The following HDAC4 variants were observed in gnomAD, a reference collection of about 807,000 sequenced individuals.
HDAC4 encodes the protein histone deacetylase A.
In HDAC4, 16 loss-of-function variants were observed where a neutral mutation model predicts 135.1. That is an observed-to-expected ratio of 0.12 (90% CI 0.08 to 0.18). The LOEUF is 0.18. HDAC4 is among the 10% of genes least tolerant of loss of function. The probability of loss-of-function intolerance (pLI) is 1.00; values close to 1 mark genes in which losing one functional copy is unlikely to be tolerated. For missense variants in HDAC4, 1,143 were observed against 1,511.8 expected (o/e 0.76, Z 4.05); for synonymous variants, 685 against 653.4 (o/e 1.05, Z -0.74).
At chr2:239,353,133 C>T (rs1314905760) in intron 1 of HDAC4, among the ~76,000 whole-genome samples, 3 of 152,226 alleles carry the variant, frequency 2.0e-5, no homozygotes, top group African/African-American at 7.2e-5. Flanking sequence ...CCTGCCTCAG[C>T]CTCCCGAGTA....
Position 239,149,431 on chromosome 2 carries a change from G to A in HDAC4, c.734-4717C>T, listed in dbSNP as rs908932357. Among the ~76,000 whole-genome samples, 59 of 151,986 alleles carry A rather than the reference G, an allele frequency of 3.9e-4. 1 individual carries two copies. The highest frequency in any genetic ancestry group is 1.3e-4 in the Non-Finnish European group (9 of 67,990). On this transcript the variant is annotated intron_variant, in intron 7 of 26. Transcript: ENST00000543185. Reference sequence around the variant, plus strand: ...AATTCTAAAAGACAAATGACAGACTGGAATCTAACTTCTGTAATACATGAA... The same window carrying A: ...AATTCTAAAAGACAAATGACAGACTAGAATCTAACTTCTGTAATACATGAA...
chr2:239,186,780 C>G (rs1279341092), intron 4 of HDAC4: 1 of 152,304 alleles, frequency 6.6e-6, no homozygotes, highest in Non-Finnish European at 1.5e-5. Context: ...GAGGTGAGAC[C>G]TGGCCTCACC....
chr2:239,291,206 A>AG (rs1167853899), intron 2 of HDAC4, among the ~76,000 whole-genome samples: 2 of 152,184 alleles, frequency 1.3e-5, no homozygotes, highest in Non-Finnish European at 2.9e-5. Flanking sequence ...GTCGAGTGCC[A>AG]GGGGGTGTTA....
chr2:239,256,623 C>G (rs2049066859), intron 2 of HDAC4, among the ~76,000 whole-genome samples: 1 of 152,260 alleles, frequency 6.6e-6, no homozygotes, highest in African/African-American at 2.4e-5. Flanking sequence ...GTGTCTGCCC[C>G]TAAGAGGGGC....
intron 8 of HDAC4, among the ~76,000 whole-genome samples, chr2:239,142,426 CAGT>C (rs1286914940): frequency 6.6e-6 from 1 of 152,220 alleles, no homozygotes; most frequent in African/African-American, 2.4e-5. Context: ...TCCCTGGTAC[CAGT>C]GCCGGCCAGG....
intron 1 of HDAC4, among the ~76,000 whole-genome samples, chr2:239,361,635 T>C (rs1238701286): frequency 6.6e-6 from 1 of 152,312 alleles, no homozygotes; most frequent in East Asian, 1.9e-4. Context: ...AGCAGCGCTA[T>C]CTGAAGCCCA....
intron 22 of HDAC4, among the ~76,000 whole-genome samples, chr2:239,070,046 G>C (rs953978798): frequency 1.3e-5 from 2 of 152,002 alleles, no homozygotes; most frequent in African/African-American, 2.4e-5. Flanking sequence ...CTGAGACTGG[G>C]TCAGCTCCAC....
chr2:239,053,638 A>AC (rs1559340378), intron 25 of HDAC4, 37 bp from the exon 26 acceptor site: 1 of 1,602,696 alleles, frequency 6.2e-7, no homozygotes, highest in Non-Finnish European at 8.5e-7. Context: ...CTCAGTGACT[A>AC]CAACTTAGCA....
At chr2:239,150,742 T>C (rs2042069195) in intron 7 of HDAC4, among the ~76,000 whole-genome samples, 1 of 150,648 alleles carries the variant, frequency 6.6e-6, no homozygotes, top group South Asian at 2.1e-4. Flanking sequence ...CCTCCTGAAG[T>C]ATGTACCACA....
intron 21 of HDAC4, among the ~76,000 whole-genome samples, chr2:239,081,503 G>A (rs1481781168): frequency 1.3e-5 from 2 of 152,268 alleles, no homozygotes; most frequent in Non-Finnish European, 2.9e-5. Flanking sequence ...TGTGCCGTGT[G>A]TTACATCAGG....
At chr2:239,249,036 C>T (rs967158992) in intron 2 of HDAC4, among the ~76,000 whole-genome samples, 3 of 152,222 alleles carry the variant, frequency 2.0e-5, no homozygotes, top group East Asian at 3.8e-4. Context: ...ATAACAATCA[C>T]GCAGGCGGAA....
intron 1 of HDAC4, among the ~76,000 whole-genome samples, chr2:239,398,116 G>A (rs887539617): frequency 2.0e-5 from 3 of 152,250 alleles, no homozygotes; most frequent in Non-Finnish European, 4.4e-5. Flanking sequence ...AGGAAAGCCC[G>A]GCCACAGCCT....
chr2:239,347,151 A>G (rs1692777212), intron 2 of HDAC4, among the ~76,000 whole-genome samples: 1 of 133,524 alleles, frequency 7.5e-6, no homozygotes, highest in Non-Finnish European at 1.7e-5. Flanking sequence ...ACCACTGCAG[A>G]GCATTATTTA....
chr2:239,180,370 G>A (rs573267260), intron 4 of HDAC4, among the ~76,000 whole-genome samples: 3 of 152,136 alleles, frequency 2.0e-5, no homozygotes, highest in Admixed American at 6.5e-5. Flanking sequence ...CCTGGACCTC[G>A]CTTCCCACTG....
chr2:239,216,801 G>A (rs1220293298), intron 3 of HDAC4, among the ~76,000 whole-genome samples: 1 of 152,130 alleles, frequency 6.6e-6, no homozygotes, highest in African/African-American at 2.4e-5. Flanking sequence ...GGAGTCTGGT[G>A]AGAAGGGGGT....
At chr2:239,217,372 T>A (rs546609466) in intron 3 of HDAC4, among the ~76,000 whole-genome samples, 158 of 152,272 alleles carry the variant, frequency 1.0e-3, no homozygotes, top group African/African-American at 3.6e-3. Flanking sequence ...AAACTGAAAT[T>A]TGGGGGAAGA....
chr2:239,247,787 T>A lies in HDAC4; in HGVS notation c.23-11123A>T, dbSNP rs572381989. Among the ~76,000 whole-genome samples the A allele has an allele frequency of 7.2e-5, 11 of 152,300 alleles. No homozygotes were observed. In the East Asian group the frequency reaches 2.1e-3, roughly 29 times the overall value. ...TTGCGGAAAGTCTAGGCAGGCACATTAACTGCGCGGCTGGGAGCATCAAAG... is the reference window on the plus strand; with the variant it reads ...TTGCGGAAAGTCTAGGCAGGCACATAAACTGCGCGGCTGGGAGCATCAAAG... On this transcript the variant is annotated intron_variant, in intron 2 of 26. Transcript: ENST00000543185.
chr2:239,151,346 T>C (rs891897937), intron 7 of HDAC4, among the ~76,000 whole-genome samples: 1 of 152,196 alleles, frequency 6.6e-6, no homozygotes, highest in Admixed American at 6.5e-5. Context: ...GCCCAGGATA[T>C]GGTGTCGTGG....
At chr2:239,270,418 T>C (rs1203988386) in intron 2 of HDAC4, among the ~76,000 whole-genome samples, 1 of 151,962 alleles carries the variant, frequency 6.6e-6, no homozygotes, top group Non-Finnish European at 1.5e-5. Flanking sequence ...AACAGGAAAT[T>C]TCATGGTGAG....
Sources: allele counts gnomAD v4.1 joint callset (sites outside exome capture counted in the v4.1 genomes callset), GRCh38; gene constraint gnomAD v4.1.1; transcripts MANE v1.5; gene names NCBI Gene and HGNC (gene_info 2026-07-23, HGNC 2026-07-21).